Variants in CARNMT1 observed in about 807,000 individuals in gnomAD.
CARNMT1 encodes carnosine N-methyltransferase 1.
Under a neutral mutation model 49.6 loss-of-function variants are expected in CARNMT1, and 28 were observed. The observed-to-expected ratio is 0.56, with a 90% CI of 0.42 to 0.77. The LOEUF is 0.77. Ranked by LOEUF, CARNMT1 falls within the 30% of genes least tolerant of loss-of-function variation. The pLI is 0.00. For synonymous variants in CARNMT1, 178 were observed against 175.0 expected, an observed-to-expected ratio of 1.02 and a Z score of -0.13; for missense variants, 421 against 512.6, an observed-to-expected ratio of 0.82 and a Z score of 1.73.
At chr9:75,020,267 C>CTTT (rs200444980) in intron 1 of CARNMT1, among the ~76,000 whole-genome samples, 38 of 124,270 alleles carry the variant, frequency 3.1e-4, no homozygotes, top group South Asian at 5.0e-4. Flanking sequence ...CATTTTTCTT[C>CTTT]TTTTTTTTTT....
intron 7 of CARNMT1, among the ~76,000 whole-genome samples, chr9:74,984,098 C>A (rs1303295343): frequency 6.6e-6 from 1 of 152,156 alleles, no homozygotes; most frequent in Non-Finnish European, 1.5e-5. Flanking sequence ...GTCTTGAGCT[C>A]TGAACTACTA....
At chr9:75,005,286 A>AACAAACAGACTCTAT (rs140000609) in intron 3 of CARNMT1, among the ~76,000 whole-genome samples, 9,939 of 152,168 alleles carry the variant, frequency 0.065, 360 homozygotes, top group Middle Eastern at 0.099. Context: ...TTCCTTAATT[A>AACAAACAGACTCTAT]ACAAACAGAC....
At chr9:74,997,585 T>G (rs1271507852) in intron 5 of CARNMT1, among the ~76,000 whole-genome samples, 2 of 152,036 alleles carry the variant, frequency 1.3e-5, no homozygotes, top group Non-Finnish European at 2.9e-5. Flanking sequence ...TACTCCCTGA[T>G]CCTCTTCCCT....
chr9:75,008,749 C>G (rs1189239693), intron 3 of CARNMT1, among the ~76,000 whole-genome samples: 1 of 152,166 alleles, frequency 6.6e-6, no homozygotes, highest in Non-Finnish European at 1.5e-5. Flanking sequence ...CTCAGTACTA[C>G]CCAAAGCAAT....
intron 3 of CARNMT1, among the ~76,000 whole-genome samples, chr9:75,002,358 A>C (rs554899013): frequency 3.0e-4 from 45 of 152,340 alleles, no homozygotes; most frequent in Admixed American, 2.5e-3. Flanking sequence ...CTAGTGGTAG[A>C]AGTAAATACA....
intron 2 of CARNMT1, 126 bp from the exon 3 acceptor site, chr9:75,016,557 A>T: frequency 1.2e-6 from 1 of 816,762 alleles, no homozygotes; most frequent in Non-Finnish European, 1.9e-6. Flanking sequence ...TCTCACCTCA[A>T]CTGGGGTTCA....
chr9:75,028,423 C>T (rs767209157), upstream of CARNMT1: 17 of 1,282,190 alleles, frequency 1.3e-5, no homozygotes, highest in African/African-American at 1.6e-5. Context: ...TTCAGGGCTC[C>T]CAGAACCAAT....
At position 74,998,725 on chromosome 9, in the gene CARNMT1, G is replaced by A; in HGVS notation, c.783C>T (p.Ser261=). The A allele has an allele frequency of 2.5e-6, 4 of 1,598,210 alleles. No homozygotes were observed. The highest frequency in any genetic ancestry group is 2.6e-6 in the Non-Finnish European group (3 of 1,171,732). ...TCTGATCAGCTGATCTCCGGTTATT[G>A]CTAAACTGATGGATCCAAGGATAAA... ...YKLYPWIHQF[S]NNRRSADQIR... The change falls in exon 5 of 8, where the codon AGC becomes AGT. Residue 261 remains serine, a synonymous_variant. Transcript: ENST00000376834.
chr9:75,026,928 C>T (rs1260674452), intron 1 of CARNMT1: 1 of 387,154 alleles, frequency 2.6e-6, no homozygotes, highest in Non-Finnish European at 4.9e-6. Flanking sequence ...AGACTCAGCC[C>T]CTGCCCTTGA....
At chr9:75,006,106 C>A (rs780245217) in intron 3 of CARNMT1, among the ~76,000 whole-genome samples, 3 of 151,970 alleles carry the variant, frequency 2.0e-5, no homozygotes, top group Non-Finnish European at 4.4e-5. Context: ...GGCTGGAGTG[C>A]AGTGGCTCTA....
At chr9:75,007,622 G>A (rs1048224849) in intron 3 of CARNMT1, among the ~76,000 whole-genome samples, 4 of 149,704 alleles carry the variant, frequency 2.7e-5, no homozygotes, top group Non-Finnish European at 4.4e-5. Context: ...CCAGCTACTC[G>A]GGAGGCTGAG....
intron 1 of CARNMT1, among the ~76,000 whole-genome samples, chr9:75,018,875 G>A (rs1377459187): frequency 6.6e-6 from 1 of 151,804 alleles, no homozygotes; most frequent in Non-Finnish European, 1.5e-5. Flanking sequence ...GCTGAGGCAG[G>A]AGAATCGCTT....
intron 1 of CARNMT1, among the ~76,000 whole-genome samples, chr9:75,019,797 C>A (rs940314697): frequency 6.6e-6 from 1 of 152,188 alleles, no homozygotes; most frequent in African/African-American, 2.4e-5. Context: ...CAAGCTGTAA[C>A]CTGACCACCT....
chr9:75,025,665 T>C (rs1003709786), intron 1 of CARNMT1, among the ~76,000 whole-genome samples: 1 of 152,224 alleles, frequency 6.6e-6, no homozygotes, highest in African/African-American at 2.4e-5. Context: ...TTGTTGCAAA[T>C]GTCAAAACAA....
intron 3 of CARNMT1, among the ~76,000 whole-genome samples, chr9:75,000,719 T>C (rs912357946): frequency 3.3e-5 from 5 of 152,336 alleles, no homozygotes; most frequent in Admixed American, 3.3e-4. Context: ...TTCACTACTG[T>C]ATTTCCTAAA....
chr9:75,026,957 A>C (rs1822546036), intron 1 of CARNMT1: 4 of 622,942 alleles, frequency 6.4e-6, no homozygotes, highest in Non-Finnish European at 1.0e-5. Context: ...CAGCAAAGCA[A>C]GAGATTTATA....
At chr9:75,005,468 A>AT (rs1051686937) in intron 3 of CARNMT1, among the ~76,000 whole-genome samples, 5 of 147,214 alleles carry the variant, frequency 3.4e-5, no homozygotes, top group Non-Finnish European at 6.0e-5. Context: ...TTCATTAAGT[A>AT]TATGATCTTT....
intron 1 of CARNMT1, among the ~76,000 whole-genome samples, chr9:75,024,708 A>G (rs995095717): frequency 1.3e-5 from 2 of 152,184 alleles, no homozygotes; most frequent in Non-Finnish European, 2.9e-5. Context: ...CTTTTATCTA[A>G]ATCTCCTACG....
chr9:75,028,429 C>CATGCGTA, upstream of CARNMT1: 1 of 1,278,782 alleles, frequency 7.8e-7, no homozygotes, highest in Non-Finnish European at 9.8e-7. Flanking sequence ...GCTCCCAGAA[C>CATGCGTA]CAATGCGCAT....
Sources: allele counts gnomAD v4.1 joint callset (sites outside exome capture counted in the v4.1 genomes callset), GRCh38; gene constraint gnomAD v4.1.1; transcripts MANE v1.5; gene names NCBI Gene and HGNC (gene_info 2026-07-23, HGNC 2026-07-21).